PRAG1: variants seen among roughly 807,000 people sequenced by gnomAD.
The protein encoded by PRAG1 is PEAK1 related, kinase-activating pseudokinase 1.
Under a neutral mutation model 95.6 loss-of-function variants are expected in PRAG1, and 110 were observed. That is an observed-to-expected ratio of 1.15 (90% CI 0.99 to 1.35). The LOEUF is 1.35. PRAG1 is among the 40% of genes most tolerant of loss of function. The probability of loss-of-function intolerance (pLI) is 0.00; values close to 1 mark genes in which losing one functional copy is unlikely to be tolerated. For synonymous variants in PRAG1, 1,052 were observed against 819.4 expected (o/e 1.28, Z -4.85); for missense variants, 2,554 against 1,864.7 (o/e 1.37, Z -6.81).
At position 8,378,756 on chromosome 8, in the gene PRAG1, G is replaced by C. The variant is rs1177375360; in HGVS notation, c.331-678C>G. Among the ~76,000 whole-genome samples, 7 of 152,194 alleles carry C rather than the reference G, an allele frequency of 4.6e-5. No homozygotes were observed. In the South Asian group the frequency reaches 1.5e-3, roughly 32 times the overall value. On this transcript the variant is annotated intron_variant, in intron 2 of 5. Coordinates refer to ENST00000615670, the MANE Select transcript of PRAG1 (RefSeq NM_001080826.3). The stretch of plus-strand genomic sequence containing the variant: ...TGTACCTACAGTCCCAGCTACTTGG[G>C]AGGTTGAGGTGGAAGGATGTCTTGA...
intron 3 of PRAG1, among the ~76,000 whole-genome samples, chr8:8,339,879 C>G (rs1358250626): frequency 6.6e-6 from 1 of 152,130 alleles, no homozygotes; most frequent in Non-Finnish European, 1.5e-5. Flanking sequence ...AAACAAGCAC[C>G]AAAATTCTTA....
intron 3 of PRAG1, among the ~76,000 whole-genome samples, chr8:8,371,549 G>A (rs1335637585): frequency 1.3e-5 from 2 of 151,990 alleles, no homozygotes; most frequent in African/African-American, 2.4e-5. Flanking sequence ...GTGAGCCACC[G>A]CGCCCGACCA....
intron 3 of PRAG1, among the ~76,000 whole-genome samples, chr8:8,368,937 A>G (rs929959281): frequency 6.6e-6 from 1 of 151,868 alleles, no homozygotes; most frequent in Non-Finnish European, 1.5e-5. Context: ...AAAAAAAAAA[A>G]GCAGGGTAAT....
At chr8:8,340,230 C>T (rs560330502) in intron 3 of PRAG1, among the ~76,000 whole-genome samples, 1 of 152,338 alleles carries the variant, frequency 6.6e-6, no homozygotes, top group Admixed American at 6.5e-5. Context: ...TATTCCAGAA[C>T]AATGGAACCA....
chr8:8,357,223 C>T (rs1178403662), intron 3 of PRAG1, among the ~76,000 whole-genome samples: 5 of 152,112 alleles, frequency 3.3e-5, no homozygotes, highest in Admixed American at 2.6e-4. Context: ...CATCAAAGGA[C>T]ATAATCAATA....
chr8:8,358,384 T>C (rs963058164), intron 3 of PRAG1, among the ~76,000 whole-genome samples: 4 of 152,098 alleles, frequency 2.6e-5, no homozygotes, highest in African/African-American at 7.2e-5. Flanking sequence ...CCTCATTACA[T>C]AGTCATGATT....
intron 5 of PRAG1, among the ~76,000 whole-genome samples, chr8:8,326,347 C>T (rs996096544): frequency 2.6e-5 from 4 of 151,596 alleles, no homozygotes; most frequent in Non-Finnish European, 4.4e-5. Context: ...GCTACCCCAC[C>T]AAGGCCATTT....
At position 8,327,800 on chromosome 8, in the gene PRAG1, C is replaced by T. The variant is rs1414051209; in HGVS notation, c.2982G>A (p.Leu994=). 3 of 1,614,222 alleles carry T rather than the reference C, an allele frequency of 1.9e-6. No individual in the cohort carries two copies. Among genetic ancestry groups the T allele is most frequent in the South Asian group, 1.1e-5 (1 of 91,080 alleles). The change falls in exon 5 of 6, where the codon CTG becomes CTA. Residue 994 remains leucine, a synonymous_variant. Transcript: ENST00000615670. ...AGTCACAGCAGGGCTTGTTACAAGT[C>T]AGCTTGAAGAGCGACCAGTTATTCT... ...FNENNWSLFK[L]TCNKPCCDSG...
At chr8:8,344,341 T>A (rs1364284118) in intron 3 of PRAG1, among the ~76,000 whole-genome samples, 1 of 152,230 alleles carries the variant, frequency 6.6e-6, no homozygotes, top group Non-Finnish European at 1.5e-5. Flanking sequence ...AGAAATATTT[T>A]AAAATGCTGA....
intron 3 of PRAG1, among the ~76,000 whole-genome samples, chr8:8,345,047 GT>G (rs1395225534): frequency 3.4e-3 from 54 of 16,024 alleles, no homozygotes; most frequent in East Asian, 0.025. Context: ...TATCCGCAGG[GT>G]GTGTGTGTGT....
Position 8,318,262 on chromosome 8 carries a change from C to G in PRAG1, c.4113G>C (p.Val1371=), listed in dbSNP as rs755779520. The change falls in exon 6 of 6, where the codon GTG becomes GTC. Residue 1371 remains valine (V), a synonymous_variant. Transcript: ENST00000615670. The surrounding 1 kb of genome is among the most constrained non-coding windows in gnomAD (Gnocchi z 4.2). The part of the protein sequence containing the change: ...LMMMKFAEKA[V]DRRRGVELED... The stretch of plus-strand genomic sequence containing the variant: ...CCAGCTCCACGCCCCGCCTGCGATC[C>G]ACCGCCTTCTCCGCAAACTTCATCA... The G allele has an allele frequency of 6.2e-7, 1 of 1,614,198 alleles. No individual in the cohort carries two copies. The highest frequency in any genetic ancestry group is 2.2e-5 in the East Asian group (1 of 44,878).
chr8:8,369,183 T>C (rs1800110326), intron 3 of PRAG1, among the ~76,000 whole-genome samples: 1 of 151,550 alleles, frequency 6.6e-6, no homozygotes, highest in Non-Finnish European at 1.5e-5. Flanking sequence ...TAGTTCACTC[T>C]GGCTTGCTTT....
chr8:8,371,295 C>G (rs1800193775), intron 3 of PRAG1, among the ~76,000 whole-genome samples: 2 of 151,794 alleles, frequency 1.3e-5, no homozygotes, highest in African/African-American at 4.8e-5. Flanking sequence ...GAGTCTCGCT[C>G]TGTCGCCCAG....
intron 3 of PRAG1, among the ~76,000 whole-genome samples, chr8:8,344,769 C>T (rs573410369): frequency 2.0e-5 from 3 of 152,214 alleles, no homozygotes; most frequent in South Asian, 2.1e-4. Flanking sequence ...TCTGTTGTTG[C>T]GCCTCTGGAA....
chr8:8,370,376 T>C (rs1014516918), intron 3 of PRAG1, among the ~76,000 whole-genome samples: 1 of 152,232 alleles, frequency 6.6e-6, no homozygotes, highest in African/African-American at 2.4e-5. Flanking sequence ...GCCACTGAAA[T>C]ACGGCCAGTA....
intron 5 of PRAG1, among the ~76,000 whole-genome samples, chr8:8,320,379 A>G (rs1238588519): frequency 6.6e-6 from 1 of 152,224 alleles, no homozygotes; most frequent in African/African-American, 2.4e-5. Flanking sequence ...GGGGATCCAC[A>G]CAACTCTGTC....
At chr8:8,340,887 C>T (rs1229575449) in intron 3 of PRAG1, among the ~76,000 whole-genome samples, 1 of 152,168 alleles carries the variant, frequency 6.6e-6, no homozygotes, top group Non-Finnish European at 1.5e-5. Flanking sequence ...TAATCTTCAT[C>T]TTTGTATCTC....
intron 3 of PRAG1, chr8:8,374,537 G>T: frequency 5.7e-6 from 3 of 524,298 alleles, no homozygotes; most frequent in Non-Finnish European, 7.3e-6. Context: ...GTAAATTGGG[G>T]CTGGCAATTC....
intron 4 of PRAG1, among the ~76,000 whole-genome samples, chr8:8,330,617 C>T (rs1054557054): frequency 2.0e-5 from 3 of 152,092 alleles, no homozygotes; most frequent in Non-Finnish European, 4.4e-5. Context: ...CTTTTACATG[C>T]CCACGAATTT....
Sources: gnomAD v4.1 joint callset for allele counts (sites outside exome capture counted in the v4.1 genomes callset) on GRCh38, gnomAD v4.1.1 for gene constraint, Gnocchi (gnomAD v3.1) non-coding constraint, MANE v1.5 for transcripts, NCBI Gene and HGNC (gene_info 2026-07-23, HGNC 2026-07-21) for gene names.